HSPA4L: variants seen among roughly 807,000 people sequenced by gnomAD.
HSPA4L encodes the protein heat shock protein family A (Hsp70) member 4 like.
A neutral mutation model predicts 100.3 loss-of-function variants in HSPA4L; 48 were observed. That is an observed-to-expected ratio of 0.48 (90% CI 0.38 to 0.61). The LOEUF (loss-of-function observed/expected upper bound fraction) is 0.61, where lower values mean the gene tolerates loss of function less well. Among genes scored for constraint, HSPA4L ranks in the 20% least tolerant of loss-of-function variants. HSPA4L has a pLI of 0.00. For missense variants in HSPA4L, 886 were observed against 988.6 expected (o/e 0.90, Z 1.39); for synonymous variants, 319 against 328.2 (o/e 0.97, Z 0.30).
chr4:127,828,418 T>G (rs566691907), intron 17 of HSPA4L, among the ~76,000 whole-genome samples: 158 of 152,204 alleles, frequency 1.0e-3, no homozygotes, highest in African/African-American at 3.6e-3. Context: ...CTATACAAAG[T>G]TAATGCTATT....
At position 127,803,314 on chromosome 4, in the gene HSPA4L, T is replaced by C. The variant is rs1578701095; in HGVS notation, c.664-315T>C. Among the ~76,000 whole-genome samples the C allele has an allele frequency of 3.3e-5, 5 of 152,002 alleles. No homozygotes were observed. In the East Asian group the frequency reaches 7.8e-4, roughly 24 times the overall value. On this transcript the variant is annotated intron_variant, in intron 6 of 18. Transcript: ENST00000296464. ...CTCTTAAACTTGGTTTTGGTCTATC[T>C]GTTCAGTGCTGTTGTAGAACCAAGT...
chr4:127,834,825 C>T lies in HSPA4L; in HGVS notation c.*1951C>T, dbSNP rs1244318871. 1 of 152,128 alleles carries T rather than the reference C, an allele frequency of 6.6e-6. No homozygotes were observed. The highest frequency in any genetic ancestry group is 1.5e-5 in the Non-Finnish European group (1 of 68,008). The allele number at this position is 152,128 out of a possible 1,614,324, so 9.4% of individuals were successfully genotyped here. On this transcript the variant is annotated 3_prime_UTR_variant, in exon 19 of 19. Transcript: ENST00000296464. ...TATGGGAACAACTTTTCTATTAATA[C>T]ATCTAAATTTTCTAGTATATCCTGA... is the stretch of plus-strand genomic sequence containing the variant.
At chr4:127,814,767 A>G (rs1733629311) in intron 12 of HSPA4L, among the ~76,000 whole-genome samples, 1 of 152,034 alleles carries the variant, frequency 6.6e-6, no homozygotes, top group African/African-American at 2.4e-5. Flanking sequence ...GGATTTCACC[A>G]TATTGGTCAG....
Position 127,836,164 on chromosome 4 carries a change from A to C in HSPA4L, c.*3290A>C, listed in dbSNP as rs190199861. 1 of 152,466 alleles carries C rather than the reference A, an allele frequency of 6.6e-6. No individual in the cohort carries two copies. Among genetic ancestry groups the C allele is most frequent in the Non-Finnish European group, 1.5e-5 (1 of 68,334 alleles). The allele number at this position is 152,466 out of a possible 1,614,324, so 9.4% of individuals were successfully genotyped here. A position where few individuals can be genotyped will look rare whatever the true frequency, so the allele number is the denominator to read the frequency against. On this transcript the variant is annotated 3_prime_UTR_variant, in exon 19 of 19. Coordinates refer to ENST00000296464, the MANE Select transcript of HSPA4L (RefSeq NM_014278.4). Reference sequence around the variant, plus strand: ...GGGCAGATCACGAGGTCAGGAGATCAAGACCATCCTGGCTAACACGGTGAA... The same window carrying C: ...GGGCAGATCACGAGGTCAGGAGATCCAGACCATCCTGGCTAACACGGTGAA...
At chr4:127,781,827 C>T (rs1483020917), upstream of HSPA4L, 1 of 263,148 alleles carries the variant, frequency 3.8e-6, no homozygotes, top group Non-Finnish European at 7.8e-6. Context: ...GCACATGGGC[C>T]CCTCGGGGAG....
chr4:127,827,549 G>T (rs1733978464), intron 17 of HSPA4L, 125 bp downstream of exon 17: 1 of 1,101,858 alleles, frequency 9.1e-7, no homozygotes, highest in Non-Finnish European at 1.3e-6. Context: ...GAGACTTTGT[G>T]TACCAAACTT....
chr4:127,825,001 G>A (rs996270940), intron 16 of HSPA4L, among the ~76,000 whole-genome samples: 7 of 152,130 alleles, frequency 4.6e-5, no homozygotes, highest in South Asian at 2.1e-4. Flanking sequence ...TTAGCTGAGC[G>A]TGGTGGCGGG....
In HSPA4L at chr4:127,833,725, G is replaced by T. The variant is rs1004010728; in HGVS notation, c.*851G>T. On this transcript the variant is annotated 3_prime_UTR_variant, in exon 19 of 19. Coordinates refer to ENST00000296464, the MANE Select transcript of HSPA4L (RefSeq NM_014278.4). ...TTGTTTCAGTTATAATAGTTGTCTTGTTTTTTTCTTAATTGATTTTGTTAA... is the reference window on the plus strand; with the variant it reads ...TTGTTTCAGTTATAATAGTTGTCTTTTTTTTTTCTTAATTGATTTTGTTAA... 1 of 152,094 alleles carries T rather than the reference G, an allele frequency of 6.6e-6. No homozygotes were observed. Among genetic ancestry groups the T allele is most frequent in the African/African-American group, 2.4e-5 (1 of 41,420 alleles). 9.4% of individuals were successfully genotyped at this position (152,094 alleles called of 1,614,324 possible). A position where few individuals can be genotyped will look rare whatever the true frequency, so the allele number is the denominator to read the frequency against.
At position 127,809,060 on chromosome 4, in the gene HSPA4L, A is replaced by G; in HGVS notation, c.1378+931A>G. The G allele has an allele frequency of 7.4e-6, 4 of 543,190 alleles. No homozygotes were observed. In the East Asian group the frequency reaches 9.0e-5, roughly 12 times the overall value. 33.6% of individuals were successfully genotyped at this position (543,190 alleles called of 1,614,324 possible). A position where few individuals can be genotyped will look rare whatever the true frequency, so the allele number is the denominator to read the frequency against. On this transcript the variant is annotated intron_variant, in intron 11 of 18. Transcript: ENST00000296464. ...CTAGAATGACTATTACTGGATTAAT[A>G]TGAAGGTGAGGGCGATTGGAAGGTG...
At chr4:127,794,744 C>A (rs1213736950) in intron 2 of HSPA4L, among the ~76,000 whole-genome samples, 1 of 152,006 alleles carries the variant, frequency 6.6e-6, no homozygotes, top group African/African-American at 2.4e-5. Context: ...GGCTGACCTT[C>A]TAAGTGTGTC....
At chr4:127,807,178 T>C (rs1023469227) in intron 10 of HSPA4L, among the ~76,000 whole-genome samples, 1 of 152,000 alleles carries the variant, frequency 6.6e-6, no homozygotes, top group Non-Finnish European at 1.5e-5. Flanking sequence ...TTTAAAATCT[T>C]CCATACTTAT....
intron 1 of HSPA4L, among the ~76,000 whole-genome samples, chr4:127,789,573 G>A (rs574767057): frequency 1.3e-5 from 2 of 152,016 alleles, no homozygotes; most frequent in Admixed American, 6.5e-5. Context: ...GCGTGAACCC[G>A]GGAGGTGGAG....
chr4:127,786,631 A>T (rs1732726256), intron 1 of HSPA4L, among the ~76,000 whole-genome samples: 1 of 152,014 alleles, frequency 6.6e-6, no homozygotes. Flanking sequence ...ATGCCACACT[A>T]ATTTTATTTT....
intron 3 of HSPA4L, among the ~76,000 whole-genome samples, chr4:127,797,658 G>A: frequency 6.8e-6 from 1 of 146,592 alleles, no homozygotes; most frequent in East Asian, 2.0e-4. Context: ...CTGGAGTGCA[G>A]TGGCGCAATC....
At chr4:127,814,835 G>A (rs956233167) in intron 12 of HSPA4L, among the ~76,000 whole-genome samples, 1 of 152,160 alleles carries the variant, frequency 6.6e-6, no homozygotes, top group Non-Finnish European at 1.5e-5. Flanking sequence ...AAAGTGCTGG[G>A]ATTACAGGCG....
chr4:127,822,928 C>T, intron 15 of HSPA4L, 34 bp downstream of exon 15: 2 of 1,598,626 alleles, frequency 1.3e-6, no homozygotes, highest in South Asian at 2.2e-5. Context: ...TTTGTGAGGA[C>T]TATTTAAAGG....
chr4:127,795,466 T>C (rs1732992147), intron 2 of HSPA4L, among the ~76,000 whole-genome samples: 1 of 152,116 alleles, frequency 6.6e-6, no homozygotes, highest in African/African-American at 2.4e-5. Context: ...ACCAAAAAGA[T>C]GAGTTGTAGA....
chr4:127,784,376 C>A (rs1417682144), intron 1 of HSPA4L, among the ~76,000 whole-genome samples: 1 of 152,278 alleles, frequency 6.6e-6, no homozygotes, highest in South Asian at 2.1e-4. Flanking sequence ...AGATCCTGGC[C>A]GGCCAGACTT....
rs1734179198 is a variant in HSPA4L at position 127,835,330 on chromosome 4, G to A, written c.*2456G>A. On this transcript the variant is annotated 3_prime_UTR_variant, in exon 19 of 19. Coordinates refer to ENST00000296464, the MANE Select transcript of HSPA4L (RefSeq NM_014278.4). ...TGGTTTTAGAAACCAACTCTTGATAGTTGTACTGTGATTATAAAAAACAAT... is the reference window on the plus strand; with the variant it reads ...TGGTTTTAGAAACCAACTCTTGATAATTGTACTGTGATTATAAAAAACAAT... 6.6e-6 allele frequency: 1 copy of A among 152,162 alleles called. No individual in the cohort carries two copies. The highest frequency in any genetic ancestry group is 2.1e-4 in the South Asian group (1 of 4,832). The allele number at this position is 152,162 out of a possible 1,614,324, so 9.4% of individuals were successfully genotyped here. A position where few individuals can be genotyped will look rare whatever the true frequency, so the allele number is the denominator to read the frequency against.
Sources: gnomAD v4.1 joint callset for allele counts (sites outside exome capture counted in the v4.1 genomes callset) on GRCh38, gnomAD v4.1.1 for gene constraint, MANE v1.5 for transcripts, NCBI Gene and HGNC (gene_info 2026-07-23, HGNC 2026-07-21) for gene names.